The following CALD1 variants were observed in gnomAD, a reference collection of about 807,000 sequenced individuals.
CALD1 encodes the protein caldesmon.
A neutral mutation model predicts 99.9 loss-of-function variants in CALD1; 33 were observed. The observed-to-expected ratio is 0.33, with a 90% CI of 0.25 to 0.44. The LOEUF (loss-of-function observed/expected upper bound fraction) is 0.44. Among genes scored for constraint, CALD1 ranks in the 20% least tolerant of loss-of-function variants. The probability of loss-of-function intolerance (pLI) is 1.00; values close to 1 mark genes in which losing one functional copy is unlikely to be tolerated. For synonymous variants in CALD1, 310 were observed against 325.0 expected (o/e 0.95, Z 0.50); for missense variants, 861 against 962.1 (o/e 0.89, Z 1.39).
At chr7:134,733,101 G>A in the CALD1 span, among the ~76,000 whole-genome samples, 3 of 152,232 alleles carry the variant, frequency 2.0e-5, no homozygotes, top group Admixed American at 6.5e-5. Flanking sequence ...CCTCTTGAGC[G>A]CTGAACCAAA....
intron 6 of CALD1, among the ~76,000 whole-genome samples, chr7:134,936,434 C>G (rs1053409481): frequency 6.6e-6 from 1 of 152,158 alleles, no homozygotes; most frequent in Non-Finnish European, 1.5e-5. Context: ...CACTTCAACT[C>G]TCATGCTGTG....
intron 2 of CALD1, among the ~76,000 whole-genome samples, chr7:134,865,597 G>A (rs1485888101): frequency 6.6e-6 from 1 of 152,242 alleles, no homozygotes; most frequent in Non-Finnish European, 1.5e-5. Context: ...AGAAGGTGAG[G>A]AGTGGGAGAA....
intron 2 of CALD1, among the ~76,000 whole-genome samples, chr7:134,856,288 C>T (rs371459050): frequency 6.6e-6 from 1 of 152,188 alleles, no homozygotes; most frequent in African/African-American, 2.4e-5. Context: ...CAGGAATGCC[C>T]ATGGCAACCT....
At chr7:134,931,542 A>G (rs544905058) in intron 4 of CALD1, among the ~76,000 whole-genome samples, 1 of 152,294 alleles carries the variant, frequency 6.6e-6, no homozygotes, top group Admixed American at 6.5e-5. Flanking sequence ...TGTTTTTTCC[A>G]AAATTAAGTG....
At chr7:134,887,418 A>C (rs1801907197) in intron 3 of CALD1, among the ~76,000 whole-genome samples, 1 of 152,178 alleles carries the variant, frequency 6.6e-6, no homozygotes, top group Admixed American at 6.5e-5. Context: ...TTTTTTGCCT[A>C]GTTCTAAGAG....
chr7:134,810,711 G>A (rs1164006291), intron 1 of CALD1, among the ~76,000 whole-genome samples: 1 of 152,154 alleles, frequency 6.6e-6, no homozygotes, highest in East Asian at 1.9e-4. Flanking sequence ...TACCTGTGAG[G>A]CCTGCTCAAG....
the CALD1 span, among the ~76,000 whole-genome samples, chr7:134,733,798 GACTCTGTCTCAAAAAA>G: frequency 7.3e-6 from 1 of 137,780 alleles, no homozygotes; most frequent in African/African-American, 2.8e-5. Context: ...GACTGAGCGA[GACTCTGTCTCAAAAAA>G]AAAAACAAAA....
chr7:134,968,496 C>A lies in CALD1; in HGVS notation c.*151C>A. On this transcript the variant is annotated 3_prime_UTR_variant, in exon 15 of 15. Transcript: ENST00000361675. ...CCCAGTAAACCCATGTATATTATCA[C>A]TATATTTAATAATCACAGTCTAGAG... is the stretch of plus-strand genomic sequence containing the variant. 1 of 736,824 alleles carries A rather than the reference C, an allele frequency of 1.4e-6. No homozygotes were observed. The highest frequency in any genetic ancestry group is 2.5e-6 in the Non-Finnish European group (1 of 403,704). The allele number at this position is 736,824 out of a possible 1,614,324, so 45.6% of individuals were successfully genotyped here.
intron 1 of CALD1, among the ~76,000 whole-genome samples, chr7:134,782,987 T>C (rs1052010109): frequency 2.0e-5 from 3 of 152,154 alleles, no homozygotes; most frequent in African/African-American, 7.2e-5. Context: ...CCATCAGTGG[T>C]ACAAGGCACC....
At chr7:134,879,999 A>C (rs1261270055) in intron 3 of CALD1, among the ~76,000 whole-genome samples, 1 of 152,146 alleles carries the variant, frequency 6.6e-6, no homozygotes, top group East Asian at 1.9e-4. Flanking sequence ...TAAACCCCAC[A>C]TTGTTTAGAA....
rs148923034 is a variant in CALD1 at position 134,796,758 on chromosome 7, G to A, written c.-130+17009G>A. On this transcript the variant is annotated intron_variant, in intron 1 of 14. Coordinates refer to ENST00000361675, the MANE Select transcript of CALD1 (RefSeq NM_033138.4). ...AGCACCATCACGCCAGGCTAATTTT[G>A]TATTTTTTTGTAGAGAAGGGGTCTC... 6.9e-3 allele frequency among the ~76,000 whole-genome samples: 1,055 copies of A among 152,086 alleles called. 22 individuals are homozygous for A. The highest frequency in any genetic ancestry group is 0.024 in the African/African-American group (994 of 41,492).
intron 2 of CALD1, among the ~76,000 whole-genome samples, chr7:134,859,308 G>A (rs748204219): frequency 5.3e-5 from 8 of 152,182 alleles, no homozygotes; most frequent in Non-Finnish European, 1.2e-4. Context: ...TTTGTTGCAA[G>A]TCTACGCATT....
At chr7:134,824,820 T>A (rs905980839) in intron 1 of CALD1, among the ~76,000 whole-genome samples, 6 of 152,200 alleles carry the variant, frequency 3.9e-5, no homozygotes, top group African/African-American at 1.4e-4. Context: ...GTTAAAAGAA[T>A]ATTTGACACC....
At chr7:134,797,607 T>G (rs1797794264) in intron 1 of CALD1, among the ~76,000 whole-genome samples, 1 of 152,198 alleles carries the variant, frequency 6.6e-6, no homozygotes, top group African/African-American at 2.4e-5. Flanking sequence ...TTATTTTTTA[T>G]TTTTGAGACG....
In CALD1 at chr7:134,889,572, C is replaced by T. The variant is rs188363245; in HGVS notation, c.71+21768C>T. On this transcript the variant is annotated intron_variant, in intron 3 of 14. Transcript: ENST00000361675. ...CGTTATTCCACCTACCATAGAAAAC[C>T]ACCGACTTTTGTAAGTAATTGAAGG... Among the ~76,000 whole-genome samples the T allele has an allele frequency of 3.3e-5, 5 of 152,224 alleles. No homozygotes were observed. In the East Asian group the frequency reaches 9.6e-4, roughly 29 times the overall value.
the CALD1 span, among the ~76,000 whole-genome samples, chr7:134,727,151 ATCT>A: frequency 6.6e-6 from 1 of 152,224 alleles, no homozygotes; most frequent in Non-Finnish European, 1.5e-5. Context: ...AGGAAAAGAA[ATCT>A]TCTGGAAACC....
At chr7:134,862,156 A>G (rs1293330987) in intron 2 of CALD1, among the ~76,000 whole-genome samples, 1 of 152,226 alleles carries the variant, frequency 6.6e-6, no homozygotes, top group Admixed American at 6.5e-5. Flanking sequence ...ACCTAAGGTT[A>G]TATGATCCAA....
intron 1 of CALD1, among the ~76,000 whole-genome samples, chr7:134,793,903 C>G (rs1414652328): frequency 6.6e-6 from 1 of 151,264 alleles, no homozygotes; most frequent in Non-Finnish European, 1.5e-5. Flanking sequence ...GTATTTCTGT[C>G]TTCTTTTATC....
At chr7:134,757,892 A>G (rs1011048534) in intron 1 of CALD1, among the ~76,000 whole-genome samples, 1 of 146,454 alleles carries the variant, frequency 6.8e-6, no homozygotes, top group South Asian at 2.2e-4. Context: ...AAATAAAAAT[A>G]AAAAAAAAAA....
Sources: allele counts gnomAD v4.1 joint callset (sites outside exome capture counted in the v4.1 genomes callset), GRCh38; gene constraint gnomAD v4.1.1; transcripts MANE v1.5; gene names NCBI Gene and HGNC (gene_info 2026-07-23, HGNC 2026-07-21).